ROS1: variants seen among roughly 807,000 people sequenced by gnomAD.
ROS1 encodes proto-oncogene tyrosine-protein kinase ROS.
ROS1 carries 263 observed loss-of-function variants against 273.5 expected under a neutral mutation model. The ratio of observed to expected loss-of-function variants is 0.96; its 90% CI spans 0.87 to 1.06. The LOEUF (loss-of-function observed/expected upper bound fraction) is 1.06. Among genes scored for constraint, ROS1 ranks in the 50% least tolerant of loss-of-function variants. The pLI, the probability that ROS1 is intolerant of heterozygous loss-of-function variation, is 0.00. For missense variants in ROS1, 2,833 were observed against 2,751.1 expected, an observed-to-expected ratio of 1.03 and a Z score of -0.67; for synonymous variants, 1,008 against 954.1, an observed-to-expected ratio of 1.06 and a Z score of -1.04.
At chr6:117,413,456 A>G (rs1352400144) in intron 4 of ROS1, among the ~76,000 whole-genome samples, 1 of 152,130 alleles carries the variant, frequency 6.6e-6, no homozygotes, top group Admixed American at 6.6e-5. Context: ...TTGTCAAATA[A>G]CCTTATTTTG....
At chr6:117,346,005 G>C (rs1562296326) in intron 27 of ROS1, among the ~76,000 whole-genome samples, 1 of 152,156 alleles carries the variant, frequency 6.6e-6, no homozygotes, top group Non-Finnish European at 1.5e-5. Context: ...TGGGGGTTTA[G>C]AGATGGATAA....
chr6:117,383,550 G>T, intron 16 of ROS1, 42 bp from the exon 17 acceptor site: 1 of 1,388,968 alleles, frequency 7.2e-7, no homozygotes, highest in Non-Finnish European at 1.0e-6. Flanking sequence ...GCTTTCAAGT[G>T]ACATTATTAT....
intron 32 of ROS1, among the ~76,000 whole-genome samples, chr6:117,334,822 C>T (rs551856676): frequency 1.3e-5 from 2 of 152,246 alleles, no homozygotes; most frequent in East Asian, 1.9e-4. Flanking sequence ...CATTCCTTAA[C>T]CTTATACAAA....
intron 16 of ROS1, 118 bp from the exon 17 acceptor site, chr6:117,383,626 T>A: frequency 1.2e-6 from 1 of 812,990 alleles, no homozygotes; most frequent in South Asian, 1.6e-5. Context: ...CAACCACAAA[T>A]AGTGATTGGC....
chr6:117,362,895 A>C (rs376376224), intron 21 of ROS1, 30 bp from the exon 22 acceptor site: 78 of 1,554,028 alleles, frequency 5.0e-5, no homozygotes, highest in Admixed American at 7.9e-5. Context: ...GTAGAGCAGA[A>C]AAGAATATAA....
chr6:117,379,650 G>C (rs918955975), intron 17 of ROS1, among the ~76,000 whole-genome samples: 2 of 152,100 alleles, frequency 1.3e-5, no homozygotes, highest in African/African-American at 4.8e-5. Context: ...GATCTGTGGA[G>C]TTTTTTAAAA....
chr6:117,335,582 A>T (rs1777401165), intron 32 of ROS1, among the ~76,000 whole-genome samples: 1 of 152,210 alleles, frequency 6.6e-6, no homozygotes, highest in Admixed American at 6.5e-5. Context: ...AAGACATGGA[A>T]CCAAGCCAAT....
At chr6:117,336,324 C>T (rs1777459536) in intron 32 of ROS1, among the ~76,000 whole-genome samples, 1 of 151,784 alleles carries the variant, frequency 6.6e-6, no homozygotes. Context: ...TCTATCCCCC[C>T]ACCCCTCCCC....
rs72967499 is a variant in ROS1, at chr6:117,413,081, G to A, written c.255+1438C>T. ...CATTCCCAAGAAAAATTGCTCAGAT[G>A]CAATTTTTATAACCAACCAGTAACA... On this transcript the variant is annotated intron_variant, in intron 4 of 43. Transcript: ENST00000368507. 5.5e-3 allele frequency among the ~76,000 whole-genome samples: 836 copies of A among 152,122 alleles called. 6 individuals are homozygous for A. The highest frequency in any genetic ancestry group is 0.031 in the Middle Eastern group (9 of 292).
At chr6:117,381,137 A>G (rs185596178) in intron 17 of ROS1, among the ~76,000 whole-genome samples, 58 of 151,958 alleles carry the variant, frequency 3.8e-4, no homozygotes, top group Middle Eastern at 6.8e-3. Context: ...GATTTGCAAA[A>G]GCAACAACAG....
At chr6:117,319,071 T>C (rs1395238981) in intron 37 of ROS1, among the ~76,000 whole-genome samples, 1 of 152,164 alleles carries the variant, frequency 6.6e-6, no homozygotes, top group Non-Finnish European at 1.5e-5. Flanking sequence ...TTTCTAGTTG[T>C]ATAGCTCACT....
At chr6:117,346,509 G>C (rs1217923392) in intron 27 of ROS1, among the ~76,000 whole-genome samples, 1 of 151,450 alleles carries the variant, frequency 6.6e-6, no homozygotes. Flanking sequence ...GCGTGTTTGT[G>C]TATGTGGCTG....
chr6:117,340,809 T>A (rs968814561), intron 31 of ROS1, among the ~76,000 whole-genome samples: 3 of 150,946 alleles, frequency 2.0e-5, no homozygotes, highest in African/African-American at 7.4e-5. Context: ...TCTTTTTCAT[T>A]TTTTTTTCAT....
Position 117,342,465 on chromosome 6 carries a change from T to C in ROS1, c.4586A>G (p.Tyr1529Cys). The stretch of plus-strand genomic sequence containing the variant: ...TAAATGTTCCAAAGGATCTGAATAA[T>C]AATTTTTTACAGCTATCTGTATCAT... ...TYMIQIAVKN[Y>C]YSDPLEHLPP... Residue 1529 changes from tyrosine (Y) to cysteine (C), a missense_variant, in exon 29 of 44, where the codon TAT becomes TGT. By Grantham distance (194) the Tyr-to-Cys change is radical. Transcript: ENST00000368507. 6.2e-7 allele frequency: 1 copy of C among 1,610,438 alleles called. No individual in the cohort carries two copies. The highest frequency in any genetic ancestry group is 1.7e-4 in the Middle Eastern group (1 of 6,048).
chr6:117,335,318 C>G (rs960582873), intron 32 of ROS1, among the ~76,000 whole-genome samples: 2 of 151,972 alleles, frequency 1.3e-5, no homozygotes, highest in African/African-American at 2.4e-5. Context: ...AGAATGGCAA[C>G]TATTAAAAAG....
intron 18 of ROS1, among the ~76,000 whole-genome samples, chr6:117,373,927 A>G (rs1223667494): frequency 6.6e-6 from 1 of 152,214 alleles, no homozygotes; most frequent in African/African-American, 2.4e-5. Context: ...TATACTCACA[A>G]ATGTACCTAA....
At position 117,383,497 on chromosome 6, in the gene ROS1, C is replaced by T. The variant is rs1241306302; in HGVS notation, c.2301G>A (p.Gln767=). 1.9e-6 allele frequency: 3 copies of T among 1,613,680 alleles called. No individual in the cohort carries two copies. Among genetic ancestry groups the T allele is most frequent in the South Asian group, 2.2e-5 (2 of 91,048 alleles). The change falls in exon 17 of 44, where the codon CAG becomes CAA. Residue 767 remains glutamine, a synonymous_variant. Coordinates refer to ENST00000368507, the MANE Select transcript of ROS1 (RefSeq NM_001378902.1). ...WAGKTYVIQR[Q]SVLTGHTDIV... Reference sequence around the variant, plus strand: ...TGTCTGTGTGTCCCGTCAACACAGACTGCCTTTGTATCTAAAAAACATAAT... The same window carrying T: ...TGTCTGTGTGTCCCGTCAACACAGATTGCCTTTGTATCTAAAAAACATAAT...
intron 42 of ROS1, chr6:117,301,891 A>C (rs1396744639): frequency 6.6e-6 from 1 of 152,192 alleles, no homozygotes; most frequent in African/African-American, 2.4e-5. Context: ...TTAATTAAAC[A>C]TTATCTTTTC....
intron 5 of ROS1, among the ~76,000 whole-genome samples, chr6:117,406,971 C>G (rs1774457095): frequency 6.6e-6 from 1 of 151,986 alleles, no homozygotes; most frequent in South Asian, 2.1e-4. Flanking sequence ...TACTCCATGG[C>G]TCCTCATGAG....
Sources: gnomAD v4.1 joint callset for allele counts (sites outside exome capture counted in the v4.1 genomes callset) on GRCh38, gnomAD v4.1.1 for gene constraint, MANE v1.5 for transcripts, NCBI Gene and HGNC (gene_info 2026-07-23, HGNC 2026-07-21) for gene names.